Variants in RORA observed in about 807,000 individuals in gnomAD.
RORA encodes the protein RAR related orphan receptor A, also known as nuclear receptor ROR-alpha.
A neutral mutation model predicts 69.5 loss-of-function variants in RORA; 7 were observed. That is an observed-to-expected ratio of 0.10 (90% confidence interval 0.06 to 0.19). The LOEUF (loss-of-function observed/expected upper bound fraction) is 0.19. Among genes scored for constraint, RORA ranks in the 10% least tolerant of loss-of-function variants. The probability of loss-of-function intolerance (pLI) is 1.00; values close to 1 mark genes in which losing one functional copy is unlikely to be tolerated. For missense variants in RORA, 457 were observed against 663.0 expected, an observed-to-expected ratio of 0.69 and a Z score of 3.41; for synonymous variants, 261 against 240.8, an observed-to-expected ratio of 1.08 and a Z score of -0.78.
intron 1 of RORA, among the ~76,000 whole-genome samples, chr15:61,013,147 G>A (rs73436251): frequency 0.015 from 2,333 of 152,286 alleles, 58 homozygotes; most frequent in African/African-American, 0.053. Flanking sequence ...CATAGGATAA[G>A]TCACTTTACT....
intron 1 of RORA, among the ~76,000 whole-genome samples, chr15:60,684,088 C>T (rs2070700384): frequency 6.6e-6 from 1 of 150,656 alleles, no homozygotes; most frequent in Non-Finnish European, 1.5e-5. Flanking sequence ...GTTAATTTTA[C>T]TTTTTTTTCT....
At chr15:61,029,946 CA>C (rs1896061103) in intron 1 of RORA, among the ~76,000 whole-genome samples, 1 of 152,076 alleles carries the variant, frequency 6.6e-6, no homozygotes, top group Admixed American at 6.6e-5. Context: ...CAAGTGGAGG[CA>C]TAAGTACGCA....
intron 1 of RORA, among the ~76,000 whole-genome samples, chr15:61,137,828 C>A (rs2079259780): frequency 6.6e-6 from 1 of 152,176 alleles, no homozygotes; most frequent in Admixed American, 6.5e-5. Flanking sequence ...GTTACCAATT[C>A]TGACATAACT....
chr15:60,783,041 G>A (rs2072285976), intron 1 of RORA, among the ~76,000 whole-genome samples: 1 of 152,170 alleles, frequency 6.6e-6, no homozygotes, highest in South Asian at 2.1e-4. Flanking sequence ...TGCCTTTAAT[G>A]ATCAAATCTA....
At chr15:60,517,385 C>T (rs2065999628) in intron 3 of RORA, among the ~76,000 whole-genome samples, 1 of 152,106 alleles carries the variant, frequency 6.6e-6, no homozygotes, top group Non-Finnish European at 1.5e-5. Flanking sequence ...CTCTGTTGTA[C>T]TTTAACTCTA....
chr15:60,633,678 A>C (rs896142492), intron 2 of RORA, among the ~76,000 whole-genome samples: 2 of 152,240 alleles, frequency 1.3e-5, no homozygotes, highest in Admixed American at 6.5e-5. Context: ...CTCAGAGACC[A>C]AGTCCCCAAG....
At chr15:60,869,428 G>A (rs1367495912) in intron 1 of RORA, among the ~76,000 whole-genome samples, 1 of 152,184 alleles carries the variant, frequency 6.6e-6, no homozygotes, top group Non-Finnish European at 1.5e-5. Flanking sequence ...AACAGGAGAA[G>A]GAAAGGTGGT....
intron 1 of RORA, among the ~76,000 whole-genome samples, chr15:61,113,942 A>T (rs2079029074): frequency 6.6e-6 from 1 of 152,128 alleles, no homozygotes; most frequent in Non-Finnish European, 1.5e-5. Flanking sequence ...CAAAATCATG[A>T]TTTTCAATGT....
chr15:60,888,203 C>G (rs2073772814), intron 1 of RORA, among the ~76,000 whole-genome samples: 1 of 152,228 alleles, frequency 6.6e-6, no homozygotes, highest in Non-Finnish European at 1.5e-5. Context: ...GTTGTTGTAC[C>G]TGCCCTCTTG....
At chr15:60,923,762 C>T (rs990772163) in intron 1 of RORA, among the ~76,000 whole-genome samples, 8 of 152,156 alleles carry the variant, frequency 5.3e-5, no homozygotes, top group African/African-American at 1.7e-4. Context: ...CATTTATGTT[C>T]CCACTACAGA....
chr15:61,144,354 T>C (rs1014568992), intron 1 of RORA, among the ~76,000 whole-genome samples: 1 of 152,150 alleles, frequency 6.6e-6, no homozygotes, highest in African/African-American at 2.4e-5. Flanking sequence ...AGTTTTTGGA[T>C]GTAGGGTATT....
At chr15:61,203,123 TA>T (rs1307035543) in intron 1 of RORA, among the ~76,000 whole-genome samples, 2 of 152,212 alleles carry the variant, frequency 1.3e-5, no homozygotes, top group African/African-American at 2.4e-5. Context: ...ATAGAAAACA[TA>T]ATGAAGGAAC....
intron 1 of RORA, among the ~76,000 whole-genome samples, chr15:60,716,976 T>C (rs1331078765): frequency 1.3e-5 from 2 of 152,202 alleles, no homozygotes; most frequent in Non-Finnish European, 1.5e-5. Flanking sequence ...AGCAAATTAA[T>C]TGAACCCAAA....
intron 2 of RORA, among the ~76,000 whole-genome samples, chr15:60,597,551 C>CACAAAACATAT (rs1555435946): frequency 4.0e-5 from 1 of 25,130 alleles, no homozygotes; most frequent in Non-Finnish European, 7.4e-5. Context: ...ACACACACAA[C>CACAAAACATAT]ATATATATAT....
chr15:61,032,751 T>C (rs950957076), intron 1 of RORA, among the ~76,000 whole-genome samples: 2 of 152,202 alleles, frequency 1.3e-5, no homozygotes, highest in African/African-American at 4.8e-5. Flanking sequence ...TACAAGATCA[T>C]AAACTAGGAA....
intron 1 of RORA, among the ~76,000 whole-genome samples, chr15:60,868,984 C>T (rs2073522319): frequency 6.6e-6 from 1 of 152,176 alleles, no homozygotes; most frequent in Admixed American, 6.5e-5. Flanking sequence ...GACCAGAACC[C>T]ATGCCAAACA....
At chr15:60,961,141 C>T (rs1414641464) in intron 1 of RORA, among the ~76,000 whole-genome samples, 2 of 152,168 alleles carry the variant, frequency 1.3e-5, no homozygotes, top group Non-Finnish European at 2.9e-5. Context: ...CTCACCTGGC[C>T]GTTCCATTTG....
At chr15:60,823,217 T>G (rs2140381490) in intron 1 of RORA, among the ~76,000 whole-genome samples, 1 of 151,906 alleles carries the variant, frequency 6.6e-6, no homozygotes, top group East Asian at 1.9e-4. Flanking sequence ...TGAGACAGGG[T>G]TTCAAACTGT....
intron 1 of RORA, among the ~76,000 whole-genome samples, chr15:60,792,839 A>C (rs1336198326): frequency 6.6e-6 from 1 of 152,208 alleles, no homozygotes; most frequent in Non-Finnish European, 1.5e-5. Context: ...AGGAGTGAGG[A>C]TCACTGGAAA....
Sources: gnomAD v4.1 joint callset for allele counts (sites outside exome capture counted in the v4.1 genomes callset) on GRCh38, gnomAD v4.1.1 for gene constraint, MANE v1.5 for transcripts, NCBI Gene and HGNC (gene_info 2026-07-23, HGNC 2026-07-21) for gene names.